The following DNAH11 variants were observed in gnomAD, a reference collection of about 807,000 sequenced individuals.
DNAH11 encodes dynein axonemal heavy chain 11.
In DNAH11, 442 loss-of-function variants were observed where a neutral mutation model predicts 526.0. That is an observed-to-expected ratio of 0.84 (90% CI 0.78 to 0.91). The LOEUF is 0.91. Ranked by LOEUF, DNAH11 falls within the 40% of genes least tolerant of loss-of-function variation. The probability of loss-of-function intolerance (pLI) is 0.00; values close to 1 mark genes in which losing one functional copy is unlikely to be tolerated. For missense variants in DNAH11, 6,989 were observed against 5,448.7 expected (o/e 1.28, Z -8.90); for synonymous variants, 2,461 against 1,935.9 (o/e 1.27, Z -7.12).
In DNAH11 at chr7:21,838,716, C is replaced by CTT. The variant is rs1554287048; in HGVS notation, c.10692-3827_10692-3826insTT. Among the ~76,000 whole-genome samples the CTT allele has an allele frequency of 4.0e-3, 590 of 148,990 alleles. 6 individuals carry two copies. The highest frequency in any genetic ancestry group is 0.014 in the African/African-American group (550 of 40,046). On this transcript the variant is annotated intron_variant, in intron 65 of 81. Transcript: ENST00000409508. ...ATATTTCATTGTTTGGATTTTTAAA[C>CTT]TATTTATTTATTTATTTATTTATTT...
Position 21,558,793 on chromosome 7 carries a change from T to G in DNAH11, c.496-9T>G. The G allele has an allele frequency of 6.4e-7, 1 of 1,560,574 alleles. No homozygotes were observed. The highest frequency in any genetic ancestry group is 1.2e-5 in the South Asian group (1 of 80,524). On this transcript the variant is annotated splice_polypyrimidine_tract_variant and intron_variant, in intron 2 of 81. Transcript: ENST00000409508. ...GTAAATTAATTTAACTATGTTTCTC[T>G]TTCTCTAGATTTTAGTGCCAGTTCT...
In DNAH11 at chr7:21,550,644, G is replaced by A. The variant is rs564607688; in HGVS notation, c.495+5495G>A. ...TTCCAGAGGAAGGGGGATGCCAAGG[G>A]GTGAGATAATCCCATTTAATTTGAA... On this transcript the variant is annotated intron_variant, in intron 2 of 81. Transcript: ENST00000409508. Among the ~76,000 whole-genome samples the A allele has an allele frequency of 3.9e-5, 6 of 152,162 alleles. No homozygotes were observed. In the South Asian group the frequency reaches 6.2e-4, roughly 16 times the overall value.
At chr7:21,737,204 A>G (rs977948217) in intron 46 of DNAH11, among the ~76,000 whole-genome samples, 1 of 152,178 alleles carries the variant, frequency 6.6e-6, no homozygotes, top group African/African-American at 2.4e-5. Flanking sequence ...GAAGAGAGAG[A>G]ATTGTGGGAC....
chr7:21,633,231 A>G (rs1786699667), intron 25 of DNAH11, among the ~76,000 whole-genome samples: 3 of 152,340 alleles, frequency 2.0e-5, no homozygotes, highest in African/African-American at 7.2e-5. Flanking sequence ...CACTGGCCTA[A>G]CATATGATCT....
intron 66 of DNAH11, among the ~76,000 whole-genome samples, chr7:21,847,737 G>A (rs1219081921): frequency 6.6e-6 from 1 of 152,146 alleles, no homozygotes; most frequent in South Asian, 2.1e-4. Context: ...TTTGCCTGCT[G>A]GATCTGTCAA....
intron 25 of DNAH11, among the ~76,000 whole-genome samples, chr7:21,627,338 C>T (rs1786388214): frequency 6.6e-6 from 1 of 152,150 alleles, no homozygotes; most frequent in Non-Finnish European, 1.5e-5. Flanking sequence ...TACACACACA[C>T]ACAAAATCTT....
At chr7:21,753,936 A>T (rs1786518921) in intron 54 of DNAH11, among the ~76,000 whole-genome samples, 1 of 152,152 alleles carries the variant, frequency 6.6e-6, no homozygotes, top group African/African-American at 2.4e-5. Flanking sequence ...CTTTTATAGA[A>T]GGATTTCGTA....
Position 21,616,289 on chromosome 7 carries a change from C to T in DNAH11, c.4092C>T (p.Ala1364=). ...EQMDVELRRF[A]KEIWSLNKEV... ...TGGATGTAGAACTCAGAAGGTTTGC[C>T]AAGGCGAGTTCCATAACTGTCTATT... The change falls in exon 22 of 82, where the codon GCC becomes GCT. Residue 1364 remains alanine (A), a synonymous_variant. Transcript: ENST00000409508. The T allele has an allele frequency of 1.2e-6, 2 of 1,610,116 alleles. No homozygotes were observed. The highest frequency in any genetic ancestry group is 1.7e-6 in the Non-Finnish European group (2 of 1,177,746).
chr7:21,852,500 A>T lies in DNAH11; in HGVS notation c.10930A>T (p.Ile3644Phe). ...GACAAAGCACCAAAATGATTTTAAA[A>T]TTGAGCTCAAGTATCTGGAAGACGA... ...VLTKHQNDFK[I>F]ELKYLEDDLL... Residue 3644 changes from isoleucine to phenylalanine, a missense_variant, in exon 67 of 82, where the codon ATT becomes TTT. Transcript: ENST00000409508. The T allele has an allele frequency of 6.2e-7, 1 of 1,613,762 alleles. No individual in the cohort carries two copies. The highest frequency in any genetic ancestry group is 8.5e-7 in the Non-Finnish European group (1 of 1,179,806).
At position 21,901,424 on chromosome 7, in the gene DNAH11, T is replaced by A; in HGVS notation, c.*170T>A. 1 of 985,284 alleles carries A rather than the reference T, an allele frequency of 1.0e-6. No homozygotes were observed. The highest frequency in any genetic ancestry group is 2.9e-5 in the South Asian group (1 of 34,858). The allele number at this position is 985,284 out of a possible 1,614,324, so 61.0% of individuals were successfully genotyped here. On this transcript the variant is annotated 3_prime_UTR_variant, in exon 82 of 82. Transcript: ENST00000409508. ...TCAGAAAAAAATACTAGAAACTAAC[T>A]CAGGGCTGAGCGTGGTGGCACACGA...
chr7:21,898,780 T>C (rs1488453243), intron 79 of DNAH11, among the ~76,000 whole-genome samples: 1 of 152,198 alleles, frequency 6.6e-6, no homozygotes, highest in Non-Finnish European at 1.5e-5. Context: ...CGGCGTGCCA[T>C]TCCTGGCTGA....
At chr7:21,662,193 A>G (rs770680215) in intron 30 of DNAH11, among the ~76,000 whole-genome samples, 11 of 152,166 alleles carry the variant, frequency 7.2e-5, no homozygotes, top group East Asian at 1.9e-4. Context: ...TGTTAATGCT[A>G]TGACAATAAT....
intron 65 of DNAH11, among the ~76,000 whole-genome samples, chr7:21,839,163 C>T (rs568688943): frequency 6.6e-6 from 1 of 152,000 alleles, no homozygotes; most frequent in East Asian, 1.9e-4. Flanking sequence ...TTATTTAGTT[C>T]TTTTACCCAT....
Position 21,744,543 on chromosome 7 carries a change from A to C in DNAH11, c.8260A>C (p.Lys2754Gln). Reference protein sequence around the residue: ...RVYGDKLIDKKDCDLFQRRML... With the variant: ...RVYGDKLIDKQDCDLFQRRML... ...TTATGGAGACAAACTGATAGACAAA[A>C]AAGATTGTGATTTGTTTCAGAGAAG... The change falls in exon 50 of 82, where the codon AAA (lysine) becomes CAA (glutamine). Residue 2754 changes from lysine to glutamine, a missense_variant. Coordinates refer to ENST00000409508, the MANE Select transcript of DNAH11 (RefSeq NM_001277115.2). 6.2e-7 allele frequency: 1 copy of C among 1,613,494 alleles called. No individual in the cohort carries two copies. Among genetic ancestry groups the C allele is most frequent in the Non-Finnish European group, 8.5e-7 (1 of 1,179,768 alleles).
chr7:21,837,622 C>T (rs547479550), intron 65 of DNAH11, among the ~76,000 whole-genome samples: 78 of 151,990 alleles, frequency 5.1e-4, no homozygotes, highest in Non-Finnish European at 5.7e-4. Flanking sequence ...CAAAATTGCC[C>T]GTTGATCATT....
chr7:21,636,040 G>C lies in DNAH11; in HGVS notation c.4670G>C (p.Arg1557Pro). ...ATTTTTGTCTGTTCAGAAGATATTC[G>C]AATCCAGCTTGTGAAAGATGCTAGA... ...ESIFVCSEDI[R>P]IQLVKDARRF... Residue 1557 changes from arginine to proline, a missense_variant, in exon 26 of 82, where the codon CGA becomes CCA. Coordinates refer to ENST00000409508, the MANE Select transcript of DNAH11 (RefSeq NM_001277115.2). The C allele has an allele frequency of 6.2e-7, 1 of 1,613,480 alleles. No individual in the cohort carries two copies. Among genetic ancestry groups the C allele is most frequent in the Non-Finnish European group, 8.5e-7 (1 of 1,179,710 alleles).
chr7:21,552,107 C>G (rs1287926626), intron 2 of DNAH11, among the ~76,000 whole-genome samples: 1 of 152,092 alleles, frequency 6.6e-6, no homozygotes, highest in Admixed American at 6.5e-5. Flanking sequence ...TTCCCTCTTC[C>G]CTCCCCAGGT....
At chr7:21,896,575 C>G (rs1451414960) in intron 79 of DNAH11, among the ~76,000 whole-genome samples, 3 of 152,180 alleles carry the variant, frequency 2.0e-5, no homozygotes, top group Non-Finnish European at 4.4e-5. Context: ...ATGTGAGATT[C>G]CATCCATAGC....
At chr7:21,786,509 C>A in intron 58 of DNAH11, 115 bp from the exon 59 acceptor site, 1 of 1,335,042 alleles carries the variant, frequency 7.5e-7, no homozygotes. Context: ...CAAATTGAGA[C>A]TGGTTTGATA....
Sources: allele counts gnomAD v4.1 joint callset (sites outside exome capture counted in the v4.1 genomes callset), GRCh38; gene constraint gnomAD v4.1.1; transcripts MANE v1.5; gene names NCBI Gene and HGNC (gene_info 2026-07-23, HGNC 2026-07-21).